Variants in FOCAD observed in about 807,000 individuals in gnomAD.
FOCAD encodes focadhesin.
A neutral mutation model predicts 225.6 loss-of-function variants in FOCAD; 198 were observed. The observed-to-expected ratio is 0.88, with a 90% CI of 0.78 to 0.99. FOCAD has a LOEUF of 0.99. Among genes scored for constraint, FOCAD ranks in the 50% least tolerant of loss-of-function variants. The pLI, the probability that FOCAD is intolerant of heterozygous loss-of-function variation, is 0.00. For synonymous variants in FOCAD, 897 were observed against 755.0 expected (o/e 1.19, Z -3.08); for missense variants, 2,713 against 2,123.6 (o/e 1.28, Z -5.46).
At chr9:20,906,205 T>C (rs16938205) in intron 21 of FOCAD, among the ~76,000 whole-genome samples, 3,142 of 152,152 alleles carry the variant, frequency 0.021, 47 homozygotes, top group Non-Finnish European at 0.031. Flanking sequence ...TATTATCTTC[T>C]TATCTTCCCT....
chr9:20,956,017 G>A (rs923463267), intron 35 of FOCAD, among the ~76,000 whole-genome samples: 25 of 152,188 alleles, frequency 1.6e-4, no homozygotes, highest in African/African-American at 5.5e-4. Context: ...ACAGTAAGAA[G>A]TATTAACTAA....
chr9:20,822,969 T>C lies in FOCAD; in HGVS notation c.1794-20T>C, dbSNP rs372149602. 1.9e-6 allele frequency: 3 copies of C among 1,563,128 alleles called. No homozygotes were observed. Among genetic ancestry groups the C allele is most frequent in the Non-Finnish European group, 2.6e-6 (3 of 1,160,852 alleles). ...TGCACTTTAGCATTAATTTTGCTTT[T>C]AAACTTTCATTTCTTGTAGGCCATA... is the stretch of plus-strand genomic sequence containing the variant. On this transcript the variant is annotated intron_variant, in intron 14 of 43. Coordinates refer to ENST00000338382, the MANE Select transcript of FOCAD (RefSeq NM_001375567.1).
At chr9:20,753,087 C>G (rs1329240809) in intron 5 of FOCAD, among the ~76,000 whole-genome samples, 2 of 152,164 alleles carry the variant, frequency 1.3e-5, no homozygotes, top group African/African-American at 4.8e-5. Flanking sequence ...TCTAGATATA[C>G]AATCATGTTG....
intron 8 of FOCAD, among the ~76,000 whole-genome samples, chr9:20,778,061 G>A (rs1415264977): frequency 7.5e-5 from 9 of 119,528 alleles, no homozygotes; most frequent in Non-Finnish European, 9.7e-5. Flanking sequence ...CAGCACTCCC[G>A]CCTGGGCGAC....
intron 22 of FOCAD, 34 bp from the exon 23 acceptor site, chr9:20,912,832 G>A: frequency 6.4e-7 from 1 of 1,553,762 alleles, no homozygotes; most frequent in South Asian, 1.1e-5. Flanking sequence ...CAGCCATCGA[G>A]TTCACATGCT....
chr9:20,877,135 GACCGATGTGAATTTTATA>G (rs1225048436), intron 19 of FOCAD, among the ~76,000 whole-genome samples: 1 of 55,622 alleles, frequency 1.8e-5, no homozygotes, highest in Non-Finnish European at 3.5e-5. Context: ...TTAAACTATA[GACCGATGTGAATTTTATA>G]GGGTTTTCTC....
At chr9:20,746,811 T>G (rs1483316241) in intron 5 of FOCAD, among the ~76,000 whole-genome samples, 2 of 152,242 alleles carry the variant, frequency 1.3e-5, no homozygotes, top group African/African-American at 4.8e-5. Context: ...GGATCTAGTT[T>G]AGGATCACCT....
At chr9:20,790,917 C>T (rs1467973986) in intron 11 of FOCAD, among the ~76,000 whole-genome samples, 1 of 152,138 alleles carries the variant, frequency 6.6e-6, no homozygotes, top group Non-Finnish European at 1.5e-5. Flanking sequence ...CTCATCTGTT[C>T]TGATTCTGCA....
rs189860222 is a variant in FOCAD, at chr9:20,938,581, G to T, written c.3407+5478G>T. ...ACATCACACACGGGGGCCTGTTGTG[G>T]GGTGGGGGGAGTGGGGAGGGATAGC... On this transcript the variant is annotated intron_variant, in intron 28 of 43. Transcript: ENST00000338382. Among the ~76,000 whole-genome samples the T allele has an allele frequency of 6.7e-3, 995 of 148,248 alleles. 11 individuals are homozygous for T. The highest frequency in any genetic ancestry group is 0.023 in the African/African-American group (936 of 40,544).
chr9:20,921,394 G>T (rs540608349), intron 24 of FOCAD, among the ~76,000 whole-genome samples: 2 of 152,176 alleles, frequency 1.3e-5, no homozygotes, highest in African/African-American at 4.8e-5. Flanking sequence ...ATGCAAATTA[G>T]TCTCTCTTGT....
rs1018941350 is a variant in FOCAD, at chr9:20,684,298, G to C, written c.-33+5G>C. ...TGAGCTTGTGGCAGAAGGGAGGTAA[G>C]CCGTGCGGGGCGGCGGGCTGCCACC... is the stretch of plus-strand genomic sequence containing the variant. On this transcript the variant is annotated splice_donor_5th_base_variant and intron_variant, in intron 1 of 43. Transcript: ENST00000338382. 2 of 152,248 alleles carry C rather than the reference G, an allele frequency of 1.3e-5. No individual in the cohort carries two copies. The highest frequency in any genetic ancestry group is 2.4e-5 in the African/African-American group (1 of 41,446). The allele number at this position is 152,248 out of a possible 1,614,324, so 9.4% of individuals were successfully genotyped here. A position where few individuals can be genotyped will look rare whatever the true frequency, so the allele number is the denominator to read the frequency against.
intron 15 of FOCAD, among the ~76,000 whole-genome samples, chr9:20,839,267 T>C (rs1314117671): frequency 1.3e-5 from 2 of 151,128 alleles, no homozygotes; most frequent in South Asian, 2.1e-4. Context: ...TTCTTTTTTT[T>C]TTTTTTTTTG....
chr9:20,954,270 AT>A (rs1420398246), intron 35 of FOCAD, among the ~76,000 whole-genome samples: 9 of 152,322 alleles, frequency 5.9e-5, no homozygotes, highest in Admixed American at 2.6e-4. Context: ...TAAAATAAAT[AT>A]TATAGTAGAG....
chr9:20,934,085 T>C (rs912297458), intron 28 of FOCAD, among the ~76,000 whole-genome samples: 3 of 152,146 alleles, frequency 2.0e-5, no homozygotes, highest in African/African-American at 7.2e-5. Flanking sequence ...TTGTTTGAGT[T>C]TGTTGTAGAT....
At chr9:20,928,883 C>T (rs1835199152) in intron 26 of FOCAD, 1 of 152,718 alleles carries the variant, frequency 6.5e-6, no homozygotes, top group East Asian at 1.9e-4. Flanking sequence ...CTTCTCCATA[C>T]TAAACTTAAA....
At chr9:20,903,060 A>T (rs1804470610) in intron 21 of FOCAD, among the ~76,000 whole-genome samples, 1 of 151,848 alleles carries the variant, frequency 6.6e-6, no homozygotes, top group African/African-American at 2.4e-5. Flanking sequence ...AAGTGCACAC[A>T]TTCCTCCAAC....
upstream of FOCAD, among the ~76,000 whole-genome samples, chr9:20,681,740 TA>T (rs1822403917): frequency 6.6e-6 from 1 of 152,126 alleles, no homozygotes; most frequent in African/African-American, 2.4e-5. Flanking sequence ...TTAAATAAAT[TA>T]AAAGGTGAAA....
chr9:20,709,099 A>G (rs1419497782), intron 1 of FOCAD, among the ~76,000 whole-genome samples: 6 of 152,172 alleles, frequency 3.9e-5, no homozygotes, highest in Admixed American at 1.3e-4. Context: ...TGTTTTATCT[A>G]CTGCTCTTTT....
At chr9:20,730,983 C>A (rs1417857242) in intron 4 of FOCAD, among the ~76,000 whole-genome samples, 1 of 152,190 alleles carries the variant, frequency 6.6e-6, no homozygotes, top group Admixed American at 6.5e-5. Context: ...CGCCTGTAAT[C>A]CCAGCACTTT....
Sources: gnomAD v4.1 joint callset for allele counts (sites outside exome capture counted in the v4.1 genomes callset) on GRCh38, gnomAD v4.1.1 for gene constraint, MANE v1.5 for transcripts, NCBI Gene and HGNC (gene_info 2026-07-23, HGNC 2026-07-21) for gene names.